Variants in CYB5R4 observed in about 807,000 individuals in gnomAD.
CYB5R4 encodes N-terminal cytochrome b5 and cytochrome b5 oxidoreductase domain-containing protein.
CYB5R4 carries 55 observed loss-of-function variants against 70.2 expected under a neutral mutation model. The ratio of observed to expected loss-of-function variants is 0.78; its 90% confidence interval spans 0.63 to 0.98. The LOEUF is 0.98. Among genes scored for constraint, CYB5R4 ranks in the 50% least tolerant of loss-of-function variants. CYB5R4 has a pLI of 0.00. For synonymous variants in CYB5R4, 197 were observed against 199.5 expected (o/e 0.99, Z 0.11); for missense variants, 562 against 612.6 (o/e 0.92, Z 0.87).
At chr6:83,897,207 A>G (rs2099462052) in intron 3 of CYB5R4, among the ~76,000 whole-genome samples, 1 of 152,144 alleles carries the variant, frequency 6.6e-6, no homozygotes, top group Admixed American at 6.5e-5. Context: ...GATGGTTTCC[A>G]GCTTCATCCA....
rs535126498 is a variant in CYB5R4, at chr6:83,896,983, G to A, written c.330+3361G>A. 3.5e-4 allele frequency among the ~76,000 whole-genome samples: 53 copies of A among 151,198 alleles called. No individual in the cohort carries two copies. In the East Asian group the frequency reaches 7.0e-3, roughly 20 times the overall value. On this transcript the variant is annotated intron_variant, in intron 3 of 15. Transcript: ENST00000369681. ...GTGCAGGTTTGTTACATATGTATAC[G>A]TGTGCCATTTTGGTGTGCTGCACCC...
intron 2 of CYB5R4, among the ~76,000 whole-genome samples, chr6:83,883,027 C>T (rs1268474643): frequency 6.6e-6 from 1 of 151,926 alleles, no homozygotes; most frequent in Non-Finnish European, 1.5e-5. Flanking sequence ...AAAATAGAAA[C>T]TCTCAGAAGA....
chr6:83,954,884 A>G (rs553166953), intron 14 of CYB5R4, among the ~76,000 whole-genome samples: 1 of 151,160 alleles, frequency 6.6e-6, no homozygotes, highest in East Asian at 2.0e-4. Context: ...GGCTAAGTTT[A>G]AACAGTTTTT....
At chr6:83,902,928 G>A (rs182096081) in intron 3 of CYB5R4, among the ~76,000 whole-genome samples, 35 of 152,146 alleles carry the variant, frequency 2.3e-4, no homozygotes, top group African/African-American at 7.9e-4. Flanking sequence ...GTATTTGGTG[G>A]AGTCTTTTGG....
chr6:83,882,489 A>C (rs753171861), intron 2 of CYB5R4, among the ~76,000 whole-genome samples: 1 of 152,208 alleles, frequency 6.6e-6, no homozygotes, highest in Non-Finnish European at 1.5e-5. Flanking sequence ...CTACTAAAAC[A>C]GTCAATAATC....
chr6:83,900,727 T>C (rs2099462788), intron 3 of CYB5R4, among the ~76,000 whole-genome samples: 1 of 152,208 alleles, frequency 6.6e-6, no homozygotes, highest in African/African-American at 2.4e-5. Flanking sequence ...TGTAATGGCC[T>C]TCTTTGTCTC....
intron 2 of CYB5R4, among the ~76,000 whole-genome samples, chr6:83,876,675 T>C (rs2099458606): frequency 6.6e-6 from 1 of 152,182 alleles, no homozygotes; most frequent in Non-Finnish European, 1.5e-5. Flanking sequence ...CTATATAAGC[T>C]GAAAACCCCA....
intron 4 of CYB5R4, 31 bp downstream of exon 4, chr6:83,909,121 A>G: frequency 2.6e-6 from 4 of 1,561,440 alleles, no homozygotes; most frequent in Non-Finnish European, 3.5e-6. Flanking sequence ...ACCAGCATGG[A>G]TGTGTGGTGC....
rs770319448 is a variant in CYB5R4, at chr6:83,910,193, G to T, written c.412+1103G>T. The T allele has an allele frequency of 2.0e-6, 3 of 1,503,748 alleles. No homozygotes were observed. The African/African-American group carries it at 4.2e-5, about 21-fold the overall frequency. 93.2% of individuals were successfully genotyped at this position (1,503,748 alleles called of 1,614,324 possible). On this transcript the variant is annotated intron_variant, in intron 4 of 15. Transcript: ENST00000369681. ...TGTGAGCAAGGACAAGACATCTATTGAATGGGCTGCCTGCCAGTTGGAAGT... is the reference window on the plus strand; with the variant it reads ...TGTGAGCAAGGACAAGACATCTATTTAATGGGCTGCCTGCCAGTTGGAAGT...
intron 5 of CYB5R4, 86 bp from the exon 6 acceptor site, chr6:83,917,919 T>C: frequency 1.0e-6 from 1 of 970,590 alleles, no homozygotes; most frequent in Non-Finnish European, 1.6e-6. Context: ...TATGAATATA[T>C]GTGATATTTC....
chr6:83,947,765 T>TA (rs2099470855), intron 14 of CYB5R4, among the ~76,000 whole-genome samples: 1 of 151,920 alleles, frequency 6.6e-6, no homozygotes, highest in South Asian at 2.1e-4. Context: ...AGAAGACATT[T>TA]ATGCAGCCAA....
chr6:83,952,740 C>T (rs1205671100), intron 14 of CYB5R4, among the ~76,000 whole-genome samples: 1 of 151,966 alleles, frequency 6.6e-6, no homozygotes, highest in Non-Finnish European at 1.5e-5. Flanking sequence ...GCTGAAAGAC[C>T]TTGAATGTAA....
At chr6:83,872,557 A>G (rs1393043126) in intron 2 of CYB5R4, among the ~76,000 whole-genome samples, 1 of 152,238 alleles carries the variant, frequency 6.6e-6, no homozygotes, top group Admixed American at 6.5e-5. Context: ...GCTCAGACCA[A>G]GTCCCCAGGA....
rs561986597 is a variant in CYB5R4, at chr6:83,933,293, T to C, written c.815-1302T>C. Among the ~76,000 whole-genome samples the C allele has an allele frequency of 2.0e-5, 3 of 152,314 alleles. No individual in the cohort carries two copies. The South Asian group carries it at 6.2e-4, about 32-fold the overall frequency. The stretch of plus-strand genomic sequence containing the variant: ...TCCAAGGTCTTTGCATAAAGCGATA[T>C]AGTCTAAGCTTATATACTTACTGCT... On this transcript the variant is annotated intron_variant, in intron 10 of 15. Transcript: ENST00000369681.
intron 10 of CYB5R4, among the ~76,000 whole-genome samples, chr6:83,928,643 A>G (rs2099467688): frequency 6.6e-6 from 1 of 152,248 alleles, no homozygotes; most frequent in African/African-American, 2.4e-5. Context: ...CAAATGGGTT[A>G]ATTTTACCAG....
intron 14 of CYB5R4, 82 bp from the exon 15 acceptor site, chr6:83,955,216 A>G: frequency 8.9e-7 from 1 of 1,129,744 alleles, no homozygotes; most frequent in Non-Finnish European, 1.2e-6. Context: ...CCTTTAGGGG[A>G]GAAATATATT....
chr6:83,921,800 G>A (rs2099466421), intron 8 of CYB5R4, among the ~76,000 whole-genome samples: 1 of 152,196 alleles, frequency 6.6e-6, no homozygotes. Context: ...ATACAAAATT[G>A]TAAATTCCAG....
intron 4 of CYB5R4, among the ~76,000 whole-genome samples, chr6:83,911,476 G>A (rs1236320662): frequency 1.3e-5 from 2 of 151,980 alleles, no homozygotes; most frequent in South Asian, 2.1e-4. Context: ...CTTATCTGAT[G>A]GTGACATAAT....
intron 4 of CYB5R4, among the ~76,000 whole-genome samples, chr6:83,912,467 A>G (rs1230917561): frequency 6.6e-6 from 1 of 152,186 alleles, no homozygotes; most frequent in Non-Finnish European, 1.5e-5. Context: ...CAGCAGAGGT[A>G]AACTAGATTT....
Sources: gnomAD v4.1 joint callset for allele counts (sites outside exome capture counted in the v4.1 genomes callset) on GRCh38, gnomAD v4.1.1 for gene constraint, MANE v1.5 for transcripts, NCBI Gene and HGNC (gene_info 2026-07-23, HGNC 2026-07-21) for gene names.